Variants in HERC3 observed in about 807,000 individuals in gnomAD.
HERC3 encodes HECT and RLD domain containing E3 ubiquitin protein ligase 3.
A neutral mutation model predicts 129.9 loss-of-function variants in HERC3; 58 were observed. That is an observed-to-expected ratio of 0.45 (90% CI 0.36 to 0.56). HERC3 has a LOEUF of 0.56. Ranked by LOEUF, HERC3 falls within the 20% of genes least tolerant of loss-of-function variation. The pLI is 0.00. For synonymous variants in HERC3, 430 were observed against 451.0 expected (o/e 0.95, Z 0.59); for missense variants, 835 against 1,244.2 (o/e 0.67, Z 4.95).
At chr4:88,611,238 G>C (rs1395962859) in intron 3 of HERC3, among the ~76,000 whole-genome samples, 5 of 152,170 alleles carry the variant, frequency 3.3e-5, no homozygotes, top group Admixed American at 2.6e-4. Context: ...TAACTTTTTC[G>C]TTGGTAGGTG....
chr4:88,535,268 T>A, the HERC3 span, among the ~76,000 whole-genome samples: 1 of 152,208 alleles, frequency 6.6e-6, no homozygotes, highest in African/African-American at 2.4e-5. Flanking sequence ...CCTAGGGCAC[T>A]GCCCTGGGAT....
At chr4:88,677,889 C>A in intron 18 of HERC3, 75 bp from the exon 19 acceptor site, 2 of 1,394,524 alleles carry the variant, frequency 1.4e-6, no homozygotes, top group Non-Finnish European at 2.0e-6. Flanking sequence ...CCCCCAAGTC[C>A]AGAAGCACAG....
intron 3 of HERC3, among the ~76,000 whole-genome samples, chr4:88,622,051 A>G (rs1725577106): frequency 6.6e-6 from 1 of 152,212 alleles, no homozygotes; most frequent in Admixed American, 6.5e-5. Flanking sequence ...GGTTTTTAGT[A>G]TATTCACGGA....
chr4:88,610,560 C>T (rs1483232394), intron 3 of HERC3, among the ~76,000 whole-genome samples: 1 of 152,062 alleles, frequency 6.6e-6, no homozygotes, highest in Non-Finnish European at 1.5e-5. Flanking sequence ...CTCTGGTTCA[C>T]ACGCCTCTGA....
At chr4:88,695,527 C>T (rs1734516008) in intron 23 of HERC3, among the ~76,000 whole-genome samples, 1 of 152,032 alleles carries the variant, frequency 6.6e-6, no homozygotes, top group African/African-American at 2.4e-5. Flanking sequence ...ATTTAATTTC[C>T]TGCATTTCTG....
chr4:88,526,680 T>C, the HERC3 span, among the ~76,000 whole-genome samples: 1 of 151,978 alleles, frequency 6.6e-6, no homozygotes, highest in Non-Finnish European at 1.5e-5. Context: ...GGAATACAGG[T>C]GCATGCCACC....
rs752692596 is a variant in HERC3, at chr4:88,655,314, C to T, written c.908+10C>T. ...AAATTGCTTGTGGCAGGTGAGTGTT[C>T]CTCAAAGCTTGCTTGTATTCACTAG... On this transcript the variant is annotated intron_variant, in intron 8 of 25. Transcript: ENST00000402738. 3.7e-6 allele frequency: 6 copies of T among 1,612,620 alleles called. No individual in the cohort carries two copies. The highest frequency in any genetic ancestry group is 2.2e-5 in the East Asian group (1 of 44,812).
intron 12 of HERC3, among the ~76,000 whole-genome samples, chr4:88,665,404 A>G (rs757913801): frequency 6.6e-6 from 1 of 152,214 alleles, no homozygotes; most frequent in Non-Finnish European, 1.5e-5. Context: ...GAGTGCAAAG[A>G]CCACAGAACC....
intron 3 of HERC3, among the ~76,000 whole-genome samples, chr4:88,632,742 CA>C (rs1726913567): frequency 6.6e-6 from 1 of 152,088 alleles, no homozygotes; most frequent in Non-Finnish European, 1.5e-5. Flanking sequence ...GATGGGAAAA[CA>C]AATGAACAGA....
chr4:88,572,621 C>T, the HERC3 span, among the ~76,000 whole-genome samples: 21 of 150,594 alleles, frequency 1.4e-4, no homozygotes, highest in South Asian at 8.4e-4. Flanking sequence ...CCATCCTGGC[C>T]AACATGGTGA....
rs559662352 is a variant in HERC3 at position 88,628,564 on chromosome 4, G to A, written c.227-21276G>A. Reference sequence around the variant, plus strand: ...AAATTGACAGAAGACTGCAATTTCAGAGATAAAATAGATGGATCCCAATGC... The same window carrying A: ...AAATTGACAGAAGACTGCAATTTCAAAGATAAAATAGATGGATCCCAATGC... On this transcript the variant is annotated intron_variant, in intron 3 of 25. Coordinates refer to ENST00000402738, the MANE Select transcript of HERC3 (RefSeq NM_014606.3). Among the ~76,000 whole-genome samples the A allele has an allele frequency of 1.1e-3, 165 of 152,112 alleles. 1 individual carries two copies. The highest frequency in any genetic ancestry group is 1.8e-3 in the Non-Finnish European group (119 of 67,980).
intron 3 of HERC3, among the ~76,000 whole-genome samples, chr4:88,620,710 C>G (rs184864657): frequency 1.8e-4 from 27 of 152,300 alleles, no homozygotes; most frequent in African/African-American, 5.5e-4. Context: ...CCAGTGCTTT[C>G]TCAGCTCATC....
At chr4:88,625,115 T>G (rs142746318) in intron 3 of HERC3, among the ~76,000 whole-genome samples, 191 of 152,300 alleles carry the variant, frequency 1.3e-3, no homozygotes, top group African/African-American at 4.3e-3. Flanking sequence ...CTTGGAAGTA[T>G]GTAGTTGCAG....
At chr4:88,546,032 A>G in the HERC3 span, among the ~76,000 whole-genome samples, 1 of 152,206 alleles carries the variant, frequency 6.6e-6, no homozygotes. Context: ...ATACTACACT[A>G]AAAACAATCC....
At chr4:88,659,892 G>A (rs1370053330) in intron 10 of HERC3, among the ~76,000 whole-genome samples, 3 of 151,908 alleles carry the variant, frequency 2.0e-5, no homozygotes, top group Non-Finnish European at 4.4e-5. Context: ...CAACACCTTG[G>A]GCCTGGAAAA....
At chr4:88,545,282 T>A in the HERC3 span, among the ~76,000 whole-genome samples, 1 of 151,980 alleles carries the variant, frequency 6.6e-6, no homozygotes, top group East Asian at 1.9e-4. Context: ...AAAAATAACA[T>A]TTTTTTCTAA....
chr4:88,671,751 T>A (rs577657083), intron 16 of HERC3, among the ~76,000 whole-genome samples: 183 of 152,206 alleles, frequency 1.2e-3, no homozygotes, highest in African/African-American at 4.4e-3. Flanking sequence ...CTTGAACTCA[T>A]GAGCTCAAGT....
At chr4:88,660,944 T>C (rs774852319) in intron 10 of HERC3, among the ~76,000 whole-genome samples, 10 of 152,170 alleles carry the variant, frequency 6.6e-5, no homozygotes, top group Non-Finnish European at 1.5e-4. Context: ...AACACTGACC[T>C]AAGAGCAATT....
intron 3 of HERC3, among the ~76,000 whole-genome samples, chr4:88,621,096 T>C (rs1487875113): frequency 6.6e-6 from 1 of 152,098 alleles, no homozygotes. Flanking sequence ...TGGCACATAG[T>C]GAGTGCAGCT....
Sources: allele counts gnomAD v4.1 joint callset (sites outside exome capture counted in the v4.1 genomes callset), GRCh38; gene constraint gnomAD v4.1.1; transcripts MANE v1.5; gene names NCBI Gene and HGNC (gene_info 2026-07-23, HGNC 2026-07-21).